VPS37A: variants seen among roughly 807,000 people sequenced by gnomAD.
VPS37A encodes the protein vacuolar protein sorting-associated protein 37A.
VPS37A carries 30 observed loss-of-function variants against 49.8 expected under a neutral mutation model. The observed-to-expected ratio is 0.60, with a 90% CI of 0.45 to 0.82. The LOEUF (loss-of-function observed/expected upper bound fraction) is 0.82. Among genes scored for constraint, VPS37A ranks in the 40% least tolerant of loss-of-function variants. VPS37A has a pLI of 0.00. For synonymous variants in VPS37A, 195 were observed against 160.6 expected (o/e 1.21, Z -1.62); for missense variants, 593 against 464.4 (o/e 1.28, Z -2.55).
chr8:17,276,805 G>T lies in VPS37A; in HGVS notation c.713+338G>T, dbSNP rs907456813. Among the ~76,000 whole-genome samples the T allele has an allele frequency of 3.3e-5, 5 of 152,000 alleles. 1 individual carries two copies. The East Asian group carries it at 9.6e-4, about 29-fold the overall frequency. The stretch of plus-strand genomic sequence containing the variant: ...TCAAAATATATCTTGGCCTATTTTA[G>T]ATCTTCCATTGTTCCCTTAGTAGAT... On this transcript the variant is annotated intron_variant, in intron 6 of 11. Coordinates refer to ENST00000324849, the MANE Select transcript of VPS37A (RefSeq NM_152415.3).
intron 11 of VPS37A, among the ~76,000 whole-genome samples, chr8:17,291,425 C>T (rs1816139673): frequency 1.4e-5 from 2 of 144,608 alleles, no homozygotes; most frequent in South Asian, 4.4e-4. Context: ...CTGCTGGATT[C>T]ATTGATTTTT....
chr8:17,275,071 A>G (rs1324335122), intron 5 of VPS37A, 113 bp downstream of exon 5: 2 of 982,758 alleles, frequency 2.0e-6, no homozygotes, highest in Admixed American at 2.6e-5. Context: ...AAATATGAAA[A>G]GATGAACTCA....
intron 1 of VPS37A, among the ~76,000 whole-genome samples, chr8:17,249,539 C>T (rs1029335): frequency 0.67 from 101,530 of 152,078 alleles, 37,727 homozygotes; most frequent in Non-Finnish European, 0.86. Flanking sequence ...CGAATAATTC[C>T]GGAGACACTT....
At chr8:17,309,243 C>G in the VPS37A span, 2 of 1,352,950 alleles carry the variant, frequency 1.5e-6, no homozygotes, top group African/African-American at 1.5e-5. Context: ...TGCTTTTATT[C>G]TAAACATTCA....
chr8:17,276,589 T>G (rs1384419813), intron 6 of VPS37A, 122 bp downstream of exon 6: 9 of 964,382 alleles, frequency 9.3e-6, no homozygotes, highest in Non-Finnish European at 1.2e-5. Flanking sequence ...ACAATATTGT[T>G]GTTGCCTTAG....
downstream of VPS37A, among the ~76,000 whole-genome samples, chr8:17,303,999 C>G (rs1817292724): frequency 6.6e-6 from 1 of 152,152 alleles, no homozygotes; most frequent in Non-Finnish European, 1.5e-5. Flanking sequence ...TGTATAACGG[C>G]AAAAACCACA....
intron 9 of VPS37A, among the ~76,000 whole-genome samples, chr8:17,284,171 C>G (rs752660337): frequency 6.6e-6 from 1 of 152,178 alleles, no homozygotes; most frequent in Non-Finnish European, 1.5e-5. Context: ...GGAGCGTCTC[C>G]TTAGCATATA....
chr8:17,318,620 C>T, the VPS37A span, among the ~76,000 whole-genome samples: 3 of 152,170 alleles, frequency 2.0e-5, no homozygotes, highest in South Asian at 6.2e-4. Flanking sequence ...ATCATGTCAG[C>T]TAATTCACAG....
intron 4 of VPS37A, among the ~76,000 whole-genome samples, chr8:17,272,937 G>C (rs929490933): frequency 6.7e-6 from 1 of 149,698 alleles, no homozygotes; most frequent in Non-Finnish European, 1.5e-5. Flanking sequence ...TATAATTCCT[G>C]AGCTGTTTTA....
At chr8:17,256,667 T>C (rs1812498058) in intron 1 of VPS37A, among the ~76,000 whole-genome samples, 1 of 148,198 alleles carries the variant, frequency 6.7e-6, no homozygotes, top group Non-Finnish European at 1.5e-5. Flanking sequence ...TATTTATTTA[T>C]TGGAAATGGA....
At chr8:17,316,665 CA>C in the VPS37A span, among the ~76,000 whole-genome samples, 1 of 152,052 alleles carries the variant, frequency 6.6e-6, no homozygotes, top group Non-Finnish European at 1.5e-5. Context: ...ATAAAAATAA[CA>C]ATACAACAAA....
downstream of VPS37A, among the ~76,000 whole-genome samples, chr8:17,301,317 C>G (rs1394336878): frequency 6.6e-6 from 1 of 152,108 alleles, no homozygotes; most frequent in South Asian, 2.1e-4. Context: ...AGGAAAAGAA[C>G]AGAGTAAGTT....
At chr8:17,254,158 C>T (rs1408915441) in intron 1 of VPS37A, among the ~76,000 whole-genome samples, 1 of 152,020 alleles carries the variant, frequency 6.6e-6, no homozygotes, top group Non-Finnish European at 1.5e-5. Flanking sequence ...TGTATTTGAG[C>T]TTCCCTGTTG....
chr8:17,273,118 T>C (rs1007931795), intron 4 of VPS37A, among the ~76,000 whole-genome samples: 1 of 150,158 alleles, frequency 6.7e-6, no homozygotes, highest in Non-Finnish European at 1.5e-5. Context: ...ACTTCCTCAT[T>C]ATTCCTTATA....
chr8:17,303,090 A>G (rs1817234265), downstream of VPS37A, among the ~76,000 whole-genome samples: 1 of 152,210 alleles, frequency 6.6e-6, no homozygotes, highest in African/African-American at 2.4e-5. Flanking sequence ...AGTTACCCTT[A>G]GAACCACTAT....
intron 11 of VPS37A, among the ~76,000 whole-genome samples, chr8:17,288,701 A>ATAT (rs1291790773): frequency 6.6e-6 from 1 of 152,162 alleles, no homozygotes. Context: ...GCGCCTTTAT[A>ATAT]GGAGAGTGGT....
At chr8:17,301,995 T>G, downstream of VPS37A, 1 of 901,464 alleles carries the variant, frequency 1.1e-6, no homozygotes, top group Non-Finnish European at 1.6e-6. Flanking sequence ...TGGGCTTCGG[T>G]TATCTGAGTC....
chr8:17,273,943 T>C (rs577685732), intron 4 of VPS37A, among the ~76,000 whole-genome samples: 1 of 152,312 alleles, frequency 6.6e-6, no homozygotes, highest in Admixed American at 6.5e-5. Context: ...GTAAGTCCCT[T>C]ATCCTTTACA....
chr8:17,323,449 A>C, the VPS37A span, among the ~76,000 whole-genome samples: 1 of 152,098 alleles, frequency 6.6e-6, no homozygotes, highest in African/African-American at 2.4e-5. Flanking sequence ...GGGATGCTAA[A>C]ATCTAACAGG....
Sources: gnomAD v4.1 joint callset for allele counts (sites outside exome capture counted in the v4.1 genomes callset) on GRCh38, gnomAD v4.1.1 for gene constraint, MANE v1.5 for transcripts, NCBI Gene and HGNC (gene_info 2026-07-23, HGNC 2026-07-21) for gene names.